The following CD96 variants were observed in gnomAD, a reference collection of about 807,000 sequenced individuals.
The protein encoded by CD96 is CD96 molecule, also known as T-cell surface protein tactile.
A neutral mutation model predicts 71.3 loss-of-function variants in CD96; 70 were observed. The ratio of observed to expected loss-of-function variants is 0.98; its 90% CI spans 0.81 to 1.20. The LOEUF is 1.20. Among genes scored for constraint, CD96 ranks in the 50% most tolerant of loss-of-function variants. CD96 has a pLI of 0.00. For synonymous variants in CD96, 248 were observed against 233.0 expected (o/e 1.06, Z -0.59); for missense variants, 742 against 677.5 (o/e 1.10, Z -1.06).
intron 10 of CD96, among the ~76,000 whole-genome samples, chr3:111,631,340 T>C (rs1939051233): frequency 6.6e-6 from 1 of 152,176 alleles, no homozygotes; most frequent in Non-Finnish European, 1.5e-5. Context: ...CTAGCAATCC[T>C]ATACACCAAC....
intron 3 of CD96, chr3:111,571,110 T>A: frequency 1.3e-6 from 1 of 749,748 alleles, no homozygotes; most frequent in Non-Finnish European, 2.4e-6. Context: ...TCCCTCTGAA[T>A]CCAGGGTTAC....
chr3:111,567,786 G>A, intron 3 of CD96, 139 bp downstream of exon 3: 1 of 783,882 alleles, frequency 1.3e-6, no homozygotes. Flanking sequence ...GAGGGGTAGG[G>A]AAGGAAGGAG....
chr3:111,577,305 G>A (rs1366371079), intron 3 of CD96, among the ~76,000 whole-genome samples: 8 of 152,128 alleles, frequency 5.3e-5, no homozygotes, highest in African/African-American at 1.9e-4. Flanking sequence ...AAAGCAAGAG[G>A]CTGCCAAACG....
chr3:111,645,963 A>G (rs1939808923), intron 12 of CD96, among the ~76,000 whole-genome samples: 1 of 152,182 alleles, frequency 6.6e-6, no homozygotes, highest in Admixed American at 6.5e-5. Context: ...TATTACATCT[A>G]GTTCTTTGAC....
At chr3:111,581,525 T>TC (rs773588200) in intron 4 of CD96, among the ~76,000 whole-genome samples, 1 of 152,224 alleles carries the variant, frequency 6.6e-6, no homozygotes, top group Non-Finnish European at 1.5e-5. Flanking sequence ...CTTCATTGTC[T>TC]AACAGACCAG....
At chr3:111,581,728 G>T (rs1264117440) in intron 4 of CD96, among the ~76,000 whole-genome samples, 1 of 152,176 alleles carries the variant, frequency 6.6e-6, no homozygotes, top group African/African-American at 2.4e-5. Context: ...ATTTTTAGTA[G>T]TTGTTCTTTC....
intron 7 of CD96, among the ~76,000 whole-genome samples, chr3:111,603,015 T>G (rs1375898194): frequency 1.3e-5 from 2 of 152,140 alleles, no homozygotes; most frequent in African/African-American, 4.8e-5. Flanking sequence ...GTGATCCCTA[T>G]TCTAGAAAAC....
At position 111,586,003 on chromosome 3, in the gene CD96, C is replaced by T. The variant is rs367943865; in HGVS notation, c.807+625C>T. ...GCGAGCTGTGACCTTGGGCAAATTA[C>T]TTCATGTCTTTGCAGTCAGTTTCCC... On this transcript the variant is annotated intron_variant, in intron 5 of 13. Coordinates refer to ENST00000352690, the MANE Select transcript of CD96 (RefSeq NM_005816.5). 3.7e-4 allele frequency among the ~76,000 whole-genome samples: 57 copies of T among 152,276 alleles called. No homozygotes were observed. In the South Asian group the frequency reaches 0.012, roughly 32 times the overall value.
At chr3:111,579,555 G>GGGAC in intron 4 of CD96, 1 of 371,822 alleles carries the variant, frequency 2.7e-6, no homozygotes, top group East Asian at 6.3e-5. Context: ...AGTTATGGAG[G>GGGAC]CTAAGTCCAA....
intron 10 of CD96, among the ~76,000 whole-genome samples, chr3:111,627,578 T>C (rs1308584185): frequency 1.3e-5 from 2 of 152,236 alleles, no homozygotes; most frequent in African/African-American, 2.4e-5. Context: ...GTTCAGGCTG[T>C]GGGCCTTGAA....
At chr3:111,563,648 T>A (rs984257013) in intron 2 of CD96, among the ~76,000 whole-genome samples, 1 of 152,240 alleles carries the variant, frequency 6.6e-6, no homozygotes, top group Non-Finnish European at 1.5e-5. Context: ...GACCTCCTCA[T>A]GTCCCCATAA....
At chr3:111,602,298 C>T (rs2107653874) in intron 7 of CD96, among the ~76,000 whole-genome samples, 1 of 152,242 alleles carries the variant, frequency 6.6e-6, no homozygotes, top group African/African-American at 2.4e-5. Flanking sequence ...GATGTTAAAA[C>T]AGTGCTTGAT....
chr3:111,633,889 T>C (rs1939196149), intron 10 of CD96: 1 of 152,538 alleles, frequency 6.6e-6, no homozygotes, highest in South Asian at 2.1e-4. Flanking sequence ...AAGGACAAAA[T>C]CGAAAACAGA....
intron 8 of CD96, among the ~76,000 whole-genome samples, chr3:111,614,458 C>T (rs1024799772): frequency 2.0e-5 from 3 of 152,154 alleles, no homozygotes; most frequent in African/African-American, 7.2e-5. Flanking sequence ...GGCACTCTGG[C>T]AGATTTTTCA....
chr3:111,548,555 A>G (rs1218753228), intron 2 of CD96, among the ~76,000 whole-genome samples: 3 of 152,164 alleles, frequency 2.0e-5, no homozygotes, highest in South Asian at 2.1e-4. Context: ...TTTGAATGCT[A>G]CTGGATCCCA....
At chr3:111,562,629 C>G (rs190100722) in intron 2 of CD96, among the ~76,000 whole-genome samples, 2 of 152,330 alleles carry the variant, frequency 1.3e-5, no homozygotes, top group African/African-American at 4.8e-5. Context: ...ATGATTTTGG[C>G]AAAAGTTATG....
At chr3:111,544,980 G>C in intron 1 of CD96, 66 bp from the exon 2 acceptor site, 1 of 1,368,074 alleles carries the variant, frequency 7.3e-7, no homozygotes, top group East Asian at 2.3e-5. Context: ...AAGTGACTAG[G>C]GTTTTTAATT....
At chr3:111,606,299 G>A (rs1331757657) in intron 7 of CD96, among the ~76,000 whole-genome samples, 1 of 152,162 alleles carries the variant, frequency 6.6e-6, no homozygotes, top group Non-Finnish European at 1.5e-5. Flanking sequence ...TATGGATTTT[G>A]TAAACTGCAT....
At chr3:111,604,298 G>A (rs1937566241) in intron 7 of CD96, among the ~76,000 whole-genome samples, 1 of 152,180 alleles carries the variant, frequency 6.6e-6, no homozygotes, top group Non-Finnish European at 1.5e-5. Flanking sequence ...GCTTTAGGCG[G>A]CAGCTTACCC....
Sources: gnomAD v4.1 joint callset for allele counts (sites outside exome capture counted in the v4.1 genomes callset) on GRCh38, gnomAD v4.1.1 for gene constraint, MANE v1.5 for transcripts, NCBI Gene and HGNC (gene_info 2026-07-23, HGNC 2026-07-21) for gene names.